LAYN: variants seen among roughly 807,000 people sequenced by gnomAD.
LAYN encodes layilin.
LAYN carries 38 observed loss-of-function variants against 43.6 expected under a neutral mutation model. The ratio of observed to expected loss-of-function variants is 0.87; its 90% CI spans 0.67 to 1.14. The LOEUF is 1.14. Among genes scored for constraint, LAYN ranks in the 50% most tolerant of loss-of-function variants. LAYN has a pLI of 0.00. For missense variants in LAYN, 479 were observed against 463.8 expected (o/e 1.03, Z -0.30); for synonymous variants, 168 against 172.9 (o/e 0.97, Z 0.22).
chr11:111,540,718 C>G, upstream of LAYN: 1 of 901,764 alleles, frequency 1.1e-6, no homozygotes, highest in Non-Finnish European at 1.6e-6. Context: ...CCCCCGCCTC[C>G]CGTGCGGTCC....
At position 111,544,034 on chromosome 11, in the gene LAYN, A is replaced by T. The variant is rs772732084; in HGVS notation, c.197A>T (p.Asp66Val). Reference protein sequence around the residue: ...FEEAKEACRRDGGQLVSIESE... With the variant: ...FEEAKEACRRVGGQLVSIESE... ...GAAGCCAAAGAAGCCTGCAGGAGGG[A>T]TGGAGGCCAGCTAGTCAGCATCGAG... The change falls in exon 2 of 7, where the codon GAT becomes GTT. Residue 66 changes from aspartate to valine, a missense_variant. Asp to Val is a radical substitution (Grantham distance 152). Coordinates refer to ENST00000375614, the MANE Select transcript of LAYN (RefSeq NM_178834.5). The T allele has an allele frequency of 6.2e-7, 1 of 1,614,222 alleles. No homozygotes were observed. Among genetic ancestry groups the T allele is most frequent in the Non-Finnish European group, 8.5e-7 (1 of 1,180,040 alleles).
chr11:111,560,040 G>A (rs763207247), intron 6 of LAYN, 55 bp from the exon 7 acceptor site: 2 of 1,538,468 alleles, frequency 1.3e-6, no homozygotes, highest in African/African-American at 1.4e-5. Flanking sequence ...GAAGCACAAG[G>A]GTATTCTCAA....
intron 2 of LAYN, among the ~76,000 whole-genome samples, chr11:111,545,194 C>T (rs1235378601): frequency 6.6e-6 from 1 of 152,034 alleles, no homozygotes; most frequent in African/African-American, 2.4e-5. Context: ...TTCTCATGAG[C>T]CTGTCTTCCT....
rs1867702574 is a variant in LAYN, at chr11:111,549,521, T to C, written c.384-97T>C. Reference sequence around the variant, plus strand: ...TATCATGTTCTGAGGCAGAATCTTATGTTTATGGCTCAGTGAGACTTGACG... The same window carrying C: ...TATCATGTTCTGAGGCAGAATCTTACGTTTATGGCTCAGTGAGACTTGACG... On this transcript the variant is annotated intron_variant, in intron 2 of 6. Coordinates refer to ENST00000375614, the MANE Select transcript of LAYN (RefSeq NM_178834.5). The C allele has an allele frequency of 4.8e-6, 5 of 1,046,388 alleles. No homozygotes were observed. The South Asian group carries it at 7.9e-5, about 17-fold the overall frequency. 64.8% of individuals were successfully genotyped at this position (1,046,388 alleles called of 1,614,324 possible). A position where few individuals can be genotyped will look rare whatever the true frequency, so the allele number is the denominator to read the frequency against.
intron 1 of LAYN, among the ~76,000 whole-genome samples, chr11:111,542,161 G>A (rs955947117): frequency 1.3e-5 from 2 of 152,232 alleles, no homozygotes; most frequent in African/African-American, 2.4e-5. Flanking sequence ...CCCCTCCTCT[G>A]CTGCCCAATT....
rs778542202 is a variant in LAYN at position 111,557,639 on chromosome 11, A to G, written c.757A>G (p.Lys253Glu). The G allele has an allele frequency of 6.2e-7, 1 of 1,610,240 alleles. No individual in the cohort carries two copies. The highest frequency in any genetic ancestry group is 1.1e-5 in the South Asian group (1 of 91,022). Residue 253 changes from lysine (K) to glutamate (E), a missense_variant, in exon 6 of 7, where the codon AAA (lysine) becomes GAA (glutamate). Physicochemically the swap from Lys to Glu is moderately conservative, Grantham distance 56. Transcript: ENST00000375614. ...TGTATGTTGGGTTTGGATCTGTAGA[A>G]AAAGGCAAGTAAAACCTTCATTGTG... is the stretch of plus-strand genomic sequence containing the variant. ...TVVCWVWICR[K>E]RKREQPDPST...
chr11:111,559,951 G>A (rs1484846874), intron 6 of LAYN, 144 bp from the exon 7 acceptor site: 28 of 900,176 alleles, frequency 3.1e-5, no homozygotes, highest in East Asian at 2.9e-4. Context: ...CTCCCACTCC[G>A]AAGCCCTGGC....
At chr11:111,546,699 G>A (rs1867654392) in intron 2 of LAYN, among the ~76,000 whole-genome samples, 1 of 152,196 alleles carries the variant, frequency 6.6e-6, no homozygotes, top group Admixed American at 6.5e-5. Context: ...TCTTACAACG[G>A]ATCTATTCCA....
intron 4 of LAYN, 131 bp downstream of exon 4, chr11:111,554,724 G>A (rs1010489259): frequency 5.2e-6 from 4 of 767,472 alleles, no homozygotes; most frequent in Non-Finnish European, 8.8e-6. Context: ...AGGCATTTGG[G>A]ACAGGTATAC....
intron 2 of LAYN, 43 bp from the exon 3 acceptor site, chr11:111,549,575 G>A: frequency 1.4e-6 from 2 of 1,467,620 alleles, no homozygotes; most frequent in Non-Finnish European, 9.0e-7. Context: ...AGTCTCAGGG[G>A]ATCCTTCTCC....
chr11:111,544,235 C>T lies in LAYN; in HGVS notation c.383+15C>T, dbSNP rs1206824599. ...TCACAATTTAGGTAAGTGTGTGGAACCCACAGCTGCTGACTCACTTGACAT... is the reference window on the plus strand; with the variant it reads ...TCACAATTTAGGTAAGTGTGTGGAATCCACAGCTGCTGACTCACTTGACAT... On this transcript the variant is annotated intron_variant, in intron 2 of 6. Transcript: ENST00000375614. The T allele has an allele frequency of 6.3e-7, 1 of 1,599,592 alleles. No individual in the cohort carries two copies. The highest frequency in any genetic ancestry group is 8.5e-7 in the Non-Finnish European group (1 of 1,172,586).
In LAYN at chr11:111,549,709, T is replaced by C; in HGVS notation, c.475T>C (p.Tyr159His). 1 of 1,606,620 alleles carries C rather than the reference T, an allele frequency of 6.2e-7. No homozygotes were observed. The highest frequency in any genetic ancestry group is 1.3e-5 in the African/African-American group (1 of 74,580). Residue 159 changes from tyrosine (Y) to histidine (H), a missense_variant, in exon 3 of 7, where the codon TAC becomes CAC. Coordinates refer to ENST00000375614, the MANE Select transcript of LAYN (RefSeq NM_178834.5). ...GGCACCCGCTGGCATCGGAGGCCCCTACATGTTCCAGTGGAATGATGACCG... is the reference window on the plus strand; with the variant it reads ...GGCACCCGCTGGCATCGGAGGCCCCCACATGTTCCAGTGGAATGATGACCG... ...PSAPAGIGGP[Y>H]MFQWNDDRCN... is the part of the protein sequence containing the mutation.
chr11:111,553,060 G>A (rs1330182264), intron 3 of LAYN, among the ~76,000 whole-genome samples: 2 of 151,992 alleles, frequency 1.3e-5, no homozygotes, highest in African/African-American at 4.8e-5. Context: ...GGCTAACACT[G>A]TGAAACCCCG....
chr11:111,559,667 C>T (rs189487056), intron 6 of LAYN, among the ~76,000 whole-genome samples: 197 of 152,150 alleles, frequency 1.3e-3, no homozygotes, highest in African/African-American at 4.6e-3. Context: ...ACATGTTGCC[C>T]AGGCTGGTCT....
chr11:111,550,307 T>C (rs950945329), intron 3 of LAYN, among the ~76,000 whole-genome samples: 10 of 152,262 alleles, frequency 6.6e-5, no homozygotes, highest in African/African-American at 2.2e-4. Flanking sequence ...CTGTATTTAA[T>C]GCCTTGCAAA....
At chr11:111,555,384 A>C in intron 5 of LAYN, 94 bp downstream of exon 5, 1 of 871,210 alleles carries the variant, frequency 1.1e-6, no homozygotes, top group Admixed American at 2.3e-5. Flanking sequence ...TCTTTCCCAC[A>C]GCTACCTAAA....
chr11:111,547,901 G>A (rs549075711), intron 2 of LAYN, among the ~76,000 whole-genome samples: 11 of 152,304 alleles, frequency 7.2e-5, no homozygotes, highest in South Asian at 2.1e-4. Context: ...ATTCTCCACC[G>A]TGATAGCTCT....
chr11:111,546,971 G>A (rs1591565556), intron 2 of LAYN, among the ~76,000 whole-genome samples: 1 of 152,276 alleles, frequency 6.6e-6, no homozygotes. Context: ...AGGAGCTGCT[G>A]CATCATATGG....
chr11:111,547,172 A>C (rs114578886), intron 2 of LAYN, among the ~76,000 whole-genome samples: 1 of 152,340 alleles, frequency 6.6e-6, no homozygotes, highest in African/African-American at 2.4e-5. Flanking sequence ...TCTTCAAATT[A>C]CTGCAAGATG....
Sources: gnomAD v4.1 joint callset for allele counts (sites outside exome capture counted in the v4.1 genomes callset) on GRCh38, gnomAD v4.1.1 for gene constraint, MANE v1.5 for transcripts, NCBI Gene and HGNC (gene_info 2026-07-23, HGNC 2026-07-21) for gene names.